EIF4E2: variants seen among roughly 807,000 people sequenced by gnomAD.
EIF4E2 encodes eukaryotic translation initiation factor 4E type 2.
A neutral mutation model predicts 34.2 loss-of-function variants in EIF4E2; 13 were observed. That is an observed-to-expected ratio of 0.38 (90% CI 0.25 to 0.60). EIF4E2 has a LOEUF of 0.60. Ranked by LOEUF, EIF4E2 falls within the 20% of genes least tolerant of loss-of-function variation. The probability of loss-of-function intolerance (pLI) is 0.62; values close to 1 mark genes in which losing one functional copy is unlikely to be tolerated. For missense variants in EIF4E2, 222 were observed against 315.1 expected (o/e 0.70, Z 2.24); for synonymous variants, 100 against 106.6 (o/e 0.94, Z 0.38).
downstream of EIF4E2, among the ~76,000 whole-genome samples, chr2:232,572,642 G>A (rs1403494665): frequency 1.3e-5 from 2 of 152,198 alleles, no homozygotes; most frequent in East Asian, 1.9e-4. Context: ...GATTACAGGC[G>A]TGAGCCATGG....
chr2:232,554,512 T>C (rs1477981403), intron 1 of EIF4E2, among the ~76,000 whole-genome samples: 1 of 152,170 alleles, frequency 6.6e-6, no homozygotes, highest in African/African-American at 2.4e-5. Context: ...CCATAGATGC[T>C]TGGTAGATGT....
chr2:232,560,126 G>C (rs545557699), intron 3 of EIF4E2, among the ~76,000 whole-genome samples: 1 of 152,132 alleles, frequency 6.6e-6, no homozygotes, highest in Non-Finnish European at 1.5e-5. Flanking sequence ...CGCCTAGAGG[G>C]GACATAGAAG....
At chr2:232,557,776 A>G (rs911656781) in intron 2 of EIF4E2, 108 bp from the exon 3 acceptor site, 1 of 1,287,268 alleles carries the variant, frequency 7.8e-7, no homozygotes, top group Admixed American at 2.0e-5. Flanking sequence ...GAGGTTGTAT[A>G]TCCTTTTTTA....
chr2:232,562,144 A>G (rs1300776087), intron 3 of EIF4E2, among the ~76,000 whole-genome samples: 1 of 150,632 alleles, frequency 6.6e-6, no homozygotes, highest in Admixed American at 6.6e-5. Context: ...GAGCCTGGGA[A>G]GTCGAGGCTG....
At chr2:232,556,738 C>T (rs1445029507) in intron 2 of EIF4E2, 4 of 532,900 alleles carry the variant, frequency 7.5e-6, no homozygotes, top group Non-Finnish European at 1.0e-5. Flanking sequence ...TGAGATGCTG[C>T]CTTGCTTTCA....
rs770061126 is a variant in EIF4E2 at position 232,569,017 on chromosome 2, A to G, written c.738A>G (p.Ter246TrpextTer43). Reference sequence around the variant, plus strand: ...GGAAGCCGCGGTTGAATGTGCCATGACCCTCTCCCTCTCTGGATGGCACCA... The same window carrying G: ...GGAAGCCGCGGTTGAATGTGCCATGGCCCTCTCCCTCTCTGGATGGCACCA... ...NLWKPRLNVP[*>W] Residue 246 changes from the stop codon to tryptophan (W), a stop_lost, in exon 7 of 7, where the codon TGA becomes TGG. Coordinates refer to ENST00000258416, the MANE Select transcript of EIF4E2 (RefSeq NM_004846.4). 6.2e-7 allele frequency: 1 copy of G among 1,613,826 alleles called. No individual in the cohort carries two copies. Among genetic ancestry groups the G allele is most frequent in the Non-Finnish European group, 8.5e-7 (1 of 1,179,946 alleles).
chr2:232,568,870 G>C, intron 6 of EIF4E2, 75 bp from the exon 7 acceptor site: 1 of 1,598,334 alleles, frequency 6.3e-7, no homozygotes, highest in Non-Finnish European at 8.5e-7. Flanking sequence ...CCCTCTTTGA[G>C]ACCCAGATGC....
intron 6 of EIF4E2, among the ~76,000 whole-genome samples, chr2:232,576,078 C>T (rs1302517216): frequency 1.8e-4 from 28 of 152,042 alleles, no homozygotes; most frequent in Non-Finnish European, 8.8e-5. Context: ...GTGGCACACA[C>T]CTGTTGTCCC....
intron 6 of EIF4E2, among the ~76,000 whole-genome samples, chr2:232,577,677 C>T (rs777740589): frequency 3.9e-5 from 6 of 152,194 alleles, no homozygotes; most frequent in African/African-American, 1.4e-4. Context: ...GAATGGGGCT[C>T]TCGGATATTT....
chr2:232,568,789 C>T, intron 6 of EIF4E2, 156 bp from the exon 7 acceptor site: 2 of 985,452 alleles, frequency 2.0e-6, no homozygotes, highest in Non-Finnish European at 2.4e-6. Flanking sequence ...GACTGGCCTG[C>T]TGCTCTCTGC....
intron 6 of EIF4E2, chr2:232,567,584 C>G (rs929709404): frequency 8.4e-7 from 1 of 1,194,250 alleles, no homozygotes; most frequent in Non-Finnish European, 1.0e-6. Context: ...ACCCTCACCC[C>G]ACTTCTGCAT....
In EIF4E2 at chr2:232,554,317, G is replaced by C. The variant is rs76679479; in HGVS notation, c.21-2099G>C. On this transcript the variant is annotated intron_variant, in intron 1 of 6. Transcript: ENST00000258416. The stretch of plus-strand genomic sequence containing the variant: ...GATGAGCATAACAGAAGGATAAAAT[G>C]GGGGCACCAAAATTAGGGTGATACA... Among the ~76,000 whole-genome samples the C allele has an allele frequency of 4.9e-3, 751 of 152,310 alleles. 6 individuals are homozygous for C. The highest frequency in any genetic ancestry group is 7.1e-3 in the Non-Finnish European group (485 of 68,014).
chr2:232,572,679 C>T (rs1693121285), downstream of EIF4E2, among the ~76,000 whole-genome samples: 1 of 152,130 alleles, frequency 6.6e-6, no homozygotes, highest in African/African-American at 2.4e-5. Flanking sequence ...AATTTCTTAA[C>T]CCAGGTTCTT....
rs987705225 is a variant in EIF4E2, at chr2:232,568,554, G to A, written c.666-391G>A. On this transcript the variant is annotated intron_variant, in intron 6 of 6. Transcript: ENST00000258416. Reference sequence around the variant, plus strand: ...ATCTACACCTGTTTCTAGGATTCTCGTTTTCAAGGTTTCTGAATATCCCCT... The same window carrying A: ...ATCTACACCTGTTTCTAGGATTCTCATTTTCAAGGTTTCTGAATATCCCCT... 8 of 985,278 alleles carry A rather than the reference G, an allele frequency of 8.1e-6. No individual in the cohort carries two copies. In the African/African-American group the frequency reaches 1.0e-4, roughly 13 times the overall value. The allele number at this position is 985,278 out of a possible 1,614,324, so 61.0% of individuals were successfully genotyped here. A position where few individuals can be genotyped will look rare whatever the true frequency, so the allele number is the denominator to read the frequency against.
intron 1 of EIF4E2, among the ~76,000 whole-genome samples, chr2:232,553,420 GA>G (rs1353311918): frequency 1.6e-5 from 1 of 60,756 alleles, no homozygotes; most frequent in Non-Finnish European, 3.0e-5. Flanking sequence ...ATTAAACGGA[GA>G]TTTTTTTTTA....
Position 232,566,209 on chromosome 2 carries a change from C to T in EIF4E2, c.376-620C>T, listed in dbSNP as rs901288419. On this transcript the variant is annotated intron_variant, in intron 4 of 6. Coordinates refer to ENST00000258416, the MANE Select transcript of EIF4E2 (RefSeq NM_004846.4). This position sits in a 1 kb window ranked among gnomAD's most constrained non-coding sequence, Gnocchi z 4.9. ...TTTTGTTTTGTTTTGTTTTTTGAGA[C>T]GGAGTCTTGCTGTGTTTCCCAGGCG... 4.6e-5 allele frequency among the ~76,000 whole-genome samples: 7 copies of T among 151,822 alleles called. No individual in the cohort carries two copies. The highest frequency in any genetic ancestry group is 2.1e-4 in the South Asian group (1 of 4,790).
chr2:232,567,691 C>G lies in EIF4E2; in HGVS notation c.665+477C>G, dbSNP rs956706801. ...CATTTCCTTGTGTATAGAGCTGACT[C>G]TTAGAAGAAGGGGGATAGTGTGTGT... On this transcript the variant is annotated intron_variant, in intron 6 of 6. Coordinates refer to ENST00000258416, the MANE Select transcript of EIF4E2 (RefSeq NM_004846.4). 11 of 1,002,932 alleles carry G rather than the reference C, an allele frequency of 1.1e-5. No individual in the cohort carries two copies. In the African/African-American group the frequency reaches 1.9e-4, roughly 17 times the overall value. The allele number at this position is 1,002,932 out of a possible 1,614,324, so 62.1% of individuals were successfully genotyped here.
chr2:232,550,932 G>A (rs1017716301), intron 1 of EIF4E2, 188 bp downstream of exon 1: 11 of 659,940 alleles, frequency 1.7e-5, no homozygotes, highest in Non-Finnish European at 2.0e-5. Flanking sequence ...GAGTCCCGGA[G>A]ACCCCAGGGC....
chr2:232,571,846 G>T (rs934207479), downstream of EIF4E2, among the ~76,000 whole-genome samples: 1 of 152,162 alleles, frequency 6.6e-6, no homozygotes, highest in African/African-American at 2.4e-5. Flanking sequence ...ATGTACCACC[G>T]AACTGGTAGG....
Sources: gnomAD v4.1 joint callset for allele counts (sites outside exome capture counted in the v4.1 genomes callset) on GRCh38, gnomAD v4.1.1 for gene constraint, Gnocchi (gnomAD v3.1) non-coding constraint, MANE v1.5 for transcripts, NCBI Gene and HGNC (gene_info 2026-07-23, HGNC 2026-07-21) for gene names.